The following RBFOX1 variants were observed in gnomAD, a reference collection of about 807,000 sequenced individuals.
RBFOX1 encodes the protein RNA binding protein fox-1 homolog 1.
RBFOX1 carries 8 observed loss-of-function variants against 57.7 expected under a neutral mutation model. That is an observed-to-expected ratio of 0.14 (90% CI 0.08 to 0.25). The LOEUF (loss-of-function observed/expected upper bound fraction) is 0.25, where lower values mean the gene tolerates loss of function less well. Among genes scored for constraint, RBFOX1 ranks in the 10% least tolerant of loss-of-function variants. The pLI is 1.00. For missense variants in RBFOX1, 611 were observed against 548.5 expected (o/e 1.11, Z -1.14); for synonymous variants, 326 against 222.4 (o/e 1.47, Z -4.15).
At chr16:5,429,383 C>A (rs1182187940) in intron 1 of RBFOX1, among the ~76,000 whole-genome samples, 2 of 152,150 alleles carry the variant, frequency 1.3e-5, no homozygotes, top group African/African-American at 4.8e-5. Flanking sequence ...GAGGCTCAGG[C>A]CTTAGGCGGG....
chr16:7,704,244 G>C (rs575094844), intron 14 of RBFOX1, among the ~76,000 whole-genome samples: 1 of 152,312 alleles, frequency 6.6e-6, no homozygotes, highest in African/African-American at 2.4e-5. Flanking sequence ...AAAAAGATGA[G>C]GTCTCATGAT....
chr16:7,517,138 CGTGTGTGTGTGTGT>C lies in RBFOX1; in HGVS notation c.28-972_28-959del, dbSNP rs200887129. On this transcript the variant is annotated intron_variant, in intron 4 of 15. Coordinates refer to ENST00000550418, the MANE Select transcript of RBFOX1 (RefSeq NM_018723.4). ...ACCTTTGGGTTACAATTTCTTATGC[CGTGTGTGTGTGTGT>C]GTGTGTGTGTGTGTGTGTGTGTGTG... Among the ~76,000 whole-genome samples, 321 of 130,216 alleles carry C rather than the reference CGTGTGTGTGTGTGT, an allele frequency of 2.5e-3. 3 individuals are homozygous for C. Among genetic ancestry groups the C allele is most frequent in the South Asian group, 8.0e-3 (27 of 3,394 alleles). 85.4% of individuals were successfully genotyped at this position (130,216 alleles called of 152,430 possible). A position where few individuals can be genotyped will look rare whatever the true frequency, so the allele number is the denominator to read the frequency against.
chr16:7,358,753 C>T lies in RBFOX1; in HGVS notation c.28-159394C>T, dbSNP rs574519631. Among the ~76,000 whole-genome samples the T allele has an allele frequency of 4.6e-5, 7 of 152,236 alleles. No individual in the cohort carries two copies. In the East Asian group the frequency reaches 9.7e-4, roughly 21 times the overall value. ...ACTTTTTATATGAATAAAGTAGTCACAGGTGGTAGGTGGTACAGCAATGTT... is the reference window on the plus strand; with the variant it reads ...ACTTTTTATATGAATAAAGTAGTCATAGGTGGTAGGTGGTACAGCAATGTT... On this transcript the variant is annotated intron_variant, in intron 4 of 15. Coordinates refer to ENST00000550418, the MANE Select transcript of RBFOX1 (RefSeq NM_018723.4).
intron 1 of RBFOX1, among the ~76,000 whole-genome samples, chr16:6,275,414 C>T (rs1332793944): frequency 6.6e-6 from 1 of 152,182 alleles, no homozygotes; most frequent in Non-Finnish European, 1.5e-5. Context: ...TTCTGCAGTG[C>T]TTGACTGCTT....
intron 4 of RBFOX1, among the ~76,000 whole-genome samples, chr16:5,957,413 C>T (rs1466327526): frequency 1.3e-5 from 2 of 152,120 alleles, no homozygotes; most frequent in African/African-American, 2.4e-5. Flanking sequence ...TGGGGTTTCA[C>T]CATGTTGGTC....
At chr16:5,619,449 C>T (rs368065678) in intron 3 of RBFOX1, among the ~76,000 whole-genome samples, 4 of 152,250 alleles carry the variant, frequency 2.6e-5, no homozygotes, top group South Asian at 4.2e-4. Context: ...ATTTTATGAC[C>T]TCATCTCTCG....
chr16:6,208,480 T>C (rs925627906), intron 1 of RBFOX1, among the ~76,000 whole-genome samples: 1 of 151,854 alleles, frequency 6.6e-6, no homozygotes, highest in Admixed American at 6.6e-5. Flanking sequence ...GCCCAAAGAG[T>C]CCCTGCCCCT....
chr16:6,122,507 C>G (rs1029683689), intron 1 of RBFOX1, among the ~76,000 whole-genome samples: 6 of 152,146 alleles, frequency 3.9e-5, no homozygotes, highest in East Asian at 1.9e-4. Context: ...TCGAGTTAAT[C>G]TCTGAAGACA....
At chr16:5,721,131 A>G (rs2051916547) in intron 3 of RBFOX1, among the ~76,000 whole-genome samples, 1 of 152,122 alleles carries the variant, frequency 6.6e-6, no homozygotes, top group African/African-American at 2.4e-5. Context: ...TCAGCATGGA[A>G]ATTTTACATT....
At chr16:6,775,237 G>A (rs931095979) in intron 3 of RBFOX1, among the ~76,000 whole-genome samples, 5 of 150,342 alleles carry the variant, frequency 3.3e-5, no homozygotes, top group African/African-American at 9.8e-5. Context: ...TCGGGAGGCA[G>A]GAGAAAGGCG....
At chr16:5,679,496 C>T (rs762079087) in intron 3 of RBFOX1, among the ~76,000 whole-genome samples, 4 of 152,076 alleles carry the variant, frequency 2.6e-5, no homozygotes, top group African/African-American at 7.2e-5. Flanking sequence ...GAGGCTCTCC[C>T]TCCCCTTGTC....
rs1567368008 is a variant in RBFOX1 at position 6,478,404 on chromosome 16, TATATATATATATATATA to T, written c.-64+161348_-64+161364del. ...CACCCAGCTAATATATATATATATA[TATATATATATATATATA>T]TATATATATTTTTTTTTTTTTTTTT... On this transcript the variant is annotated intron_variant, in intron 2 of 15. Transcript: ENST00000550418. Among the ~76,000 whole-genome samples, 39 of 16,962 alleles carry T rather than the reference TATATATATATATATATA, an allele frequency of 2.3e-3. 1 individual carries two copies. The highest frequency in any genetic ancestry group is 0.014 in the African/African-American group (39 of 2,866). 11.1% of individuals were successfully genotyped at this position (16,962 alleles called of 152,430 possible). A position where few individuals can be genotyped will look rare whatever the true frequency, so the allele number is the denominator to read the frequency against.
intron 3 of RBFOX1, among the ~76,000 whole-genome samples, chr16:6,841,374 CCTCA>C (rs913158274): frequency 2.0e-5 from 3 of 152,140 alleles, no homozygotes; most frequent in African/African-American, 7.2e-5. Context: ...GTTGAAATAG[CCTCA>C]CTCACACTAA....
At chr16:5,582,547 C>CT (rs57853959) in intron 2 of RBFOX1, among the ~76,000 whole-genome samples, 149 of 92,848 alleles carry the variant, frequency 1.6e-3, no homozygotes, top group African/African-American at 3.0e-3. Flanking sequence ...AAGCACGTCA[C>CT]TTTTTTTTTT....
intron 1 of RBFOX1, among the ~76,000 whole-genome samples, chr16:5,404,022 T>G (rs1435667398): frequency 7.1e-6 from 1 of 141,120 alleles, no homozygotes; most frequent in East Asian, 2.1e-4. Flanking sequence ...GGAAGCAGGT[T>G]TGGTGCAGAG....
At chr16:5,462,808 G>C (rs1161319766) in intron 1 of RBFOX1, among the ~76,000 whole-genome samples, 1 of 152,096 alleles carries the variant, frequency 6.6e-6, no homozygotes, top group Non-Finnish European at 1.5e-5. Flanking sequence ...TGGAGGAGGC[G>C]ATGTAAGAGT....
intron 1 of RBFOX1, among the ~76,000 whole-genome samples, chr16:6,190,132 G>A (rs9939396): frequency 0.023 from 3,448 of 152,208 alleles, 122 homozygotes; most frequent in African/African-American, 0.078. Flanking sequence ...CCCTCAAACC[G>A]AAATAGTATT....
At chr16:5,251,640 A>G (rs2062455791) in intron 1 of RBFOX1, among the ~76,000 whole-genome samples, 2 of 152,250 alleles carry the variant, frequency 1.3e-5, no homozygotes, top group East Asian at 1.9e-4. Context: ...GCATTTGATG[A>G]TAGATACCAG....
At chr16:6,994,274 C>A (rs947129102) in intron 3 of RBFOX1, among the ~76,000 whole-genome samples, 3 of 152,092 alleles carry the variant, frequency 2.0e-5, no homozygotes, top group Non-Finnish European at 4.4e-5. Context: ...GGAATTCTGC[C>A]TTCCGACTTA....
Sources: allele counts gnomAD v4.1 joint callset (sites outside exome capture counted in the v4.1 genomes callset), GRCh38; gene constraint gnomAD v4.1.1; transcripts MANE v1.5; gene names NCBI Gene and HGNC (gene_info 2026-07-23, HGNC 2026-07-21).